The following KMT2C variants were observed in gnomAD, a reference collection of about 807,000 sequenced individuals.
KMT2C encodes histone-lysine N-methyltransferase 2C.
KMT2C carries 88 observed loss-of-function variants against 507.9 expected under a neutral mutation model. The observed-to-expected ratio is 0.17, with a 90% CI of 0.15 to 0.21. The LOEUF is 0.21. Ranked by LOEUF, KMT2C falls within the 10% of genes least tolerant of loss-of-function variation. KMT2C has a pLI of 1.00. For missense variants in KMT2C, 4,954 were observed against 5,957.8 expected, an observed-to-expected ratio of 0.83 and a Z score of 5.55; for synonymous variants, 2,049 against 2,080.8, an observed-to-expected ratio of 0.98 and a Z score of 0.42.
intron 6 of KMT2C, among the ~76,000 whole-genome samples, chr7:152,302,245 GT>G (rs747515275): frequency 6.6e-6 from 1 of 151,602 alleles, no homozygotes; most frequent in Non-Finnish European, 1.5e-5. Context: ...AAAACACCTG[GT>G]TTTTTTTGAG....
chr7:152,396,858 T>C (rs978815016), intron 1 of KMT2C, among the ~76,000 whole-genome samples: 2 of 152,214 alleles, frequency 1.3e-5, no homozygotes, highest in African/African-American at 2.4e-5. Flanking sequence ...TTGAAACATA[T>C]GTACTGTCCT....
At chr7:152,250,207 T>C (rs1231306806) in intron 12 of KMT2C, among the ~76,000 whole-genome samples, 1 of 152,200 alleles carries the variant, frequency 6.6e-6, no homozygotes, top group Non-Finnish European at 1.5e-5. Flanking sequence ...TAGAAAATAA[T>C]TTTAATGAGA....
In KMT2C at chr7:152,342,173, G is replaced by C. The variant is rs1235841320; in HGVS notation, c.251-11434C>G. On this transcript the variant is annotated intron_variant, in intron 2 of 58. Transcript: ENST00000262189. ...ACCAATAGTCATTACATAAGCAACA[G>C]CTAAAAATTAACAAATAATTAGACC... Among the ~76,000 whole-genome samples the C allele has an allele frequency of 2.6e-5, 4 of 152,000 alleles. No homozygotes were observed. The East Asian group carries it at 7.7e-4, about 29-fold the overall frequency.
At chr7:152,319,667 C>A (rs899398193) in intron 3 of KMT2C, among the ~76,000 whole-genome samples, 1 of 152,128 alleles carries the variant, frequency 6.6e-6, no homozygotes, top group Non-Finnish European at 1.5e-5. Flanking sequence ...GAGGCCTAAC[C>A]GTCTGCCTGT....
rs546069950 is a variant in KMT2C at position 152,220,765 on chromosome 7, T to C, written c.3500-30A>G. The stretch of plus-strand genomic sequence containing the variant: ...AATTACAAAATCCCAAGGATACAAA[T>C]TTAAACTTTCATTTCAAATTTGACT... On this transcript the variant is annotated intron_variant, in intron 22 of 58. Transcript: ENST00000262189. 8.6e-5 allele frequency: 130 copies of C among 1,519,546 alleles called. 1 individual carries two copies. In the South Asian group the frequency reaches 1.4e-3, roughly 17 times the overall value. The allele number at this position is 1,519,546 out of a possible 1,614,324, so 94.1% of individuals were successfully genotyped here. A position where few individuals can be genotyped will look rare whatever the true frequency, so the allele number is the denominator to read the frequency against.
intron 9 of KMT2C, 94 bp from the exon 10 acceptor site, chr7:152,252,809 T>C: frequency 1.1e-6 from 1 of 887,084 alleles, no homozygotes; most frequent in Middle Eastern, 2.5e-4. Flanking sequence ...GAATCATTTG[T>C]GGATTATACA....
intron 31 of KMT2C, among the ~76,000 whole-genome samples, chr7:152,188,575 C>CAAA (rs35832014): frequency 3.2e-4 from 35 of 110,292 alleles, no homozygotes; most frequent in African/African-American, 1.1e-3. Context: ...CTCTTAATAC[C>CAAA]AAAAAAAAAA....
At chr7:152,214,135 T>C (rs1253607266) in intron 23 of KMT2C, among the ~76,000 whole-genome samples, 1 of 151,394 alleles carries the variant, frequency 6.6e-6, no homozygotes, top group Non-Finnish European at 1.5e-5. Flanking sequence ...TAAATTAGTA[T>C]AGCCATTATT....
At chr7:152,344,072 T>TG (rs2097027531) in intron 2 of KMT2C, among the ~76,000 whole-genome samples, 1 of 152,218 alleles carries the variant, frequency 6.6e-6, no homozygotes, top group Non-Finnish European at 1.5e-5. Flanking sequence ...TGTATTCAAT[T>TG]ATGATTGCTT....
Position 152,199,314 on chromosome 7 carries a change from C to T in KMT2C, c.4238G>A (p.Ser1413Asn), listed in dbSNP as rs1454716241. 3.8e-6 allele frequency: 6 copies of T among 1,598,698 alleles called. No homozygotes were observed. Among genetic ancestry groups the T allele is most frequent in the Non-Finnish European group, 5.1e-6 (6 of 1,174,932 alleles). Residue 1413 changes from serine to asparagine, a missense_variant, in exon 27 of 59, where the codon AGT (serine) becomes AAT (asparagine). By Grantham distance (46) the Ser-to-Asn change is conservative. Transcript: ENST00000262189. ...AGATTTTGTTGGAGCCGAGGATGAA[C>T]TAAGTAGTGGATCTAAGGAAGGATC... ...FLDPSLDPLL[S>N]SSSAPTKSGT... is the part of the protein sequence containing the mutation.
chr7:152,226,806 C>T (rs1361217815), intron 18 of KMT2C, among the ~76,000 whole-genome samples: 3 of 152,002 alleles, frequency 2.0e-5, no homozygotes, highest in African/African-American at 7.3e-5. Context: ...AAAACCGCTA[C>T]AAATATATGT....
chr7:152,218,002 C>G (rs2094630677), intron 23 of KMT2C, among the ~76,000 whole-genome samples: 1 of 152,164 alleles, frequency 6.6e-6, no homozygotes, highest in African/African-American at 2.4e-5. Context: ...AGTATATGGA[C>G]TACTTCTTTG....
intron 6 of KMT2C, among the ~76,000 whole-genome samples, chr7:152,308,691 A>G (rs912353260): frequency 1.4e-5 from 2 of 147,390 alleles, no homozygotes; most frequent in Non-Finnish European, 3.0e-5. Flanking sequence ...AAAAAAAAAA[A>G]AAAAAAAAAG....
At chr7:152,164,314 G>A (rs1240209949) in intron 42 of KMT2C, among the ~76,000 whole-genome samples, 2 of 149,392 alleles carry the variant, frequency 1.3e-5, no homozygotes, top group Non-Finnish European at 3.0e-5. Flanking sequence ...TTTTGAGACG[G>A]AGTCTCGCTC....
At chr7:152,156,917 C>G (rs945293712) in intron 44 of KMT2C, among the ~76,000 whole-genome samples, 2 of 152,132 alleles carry the variant, frequency 1.3e-5, no homozygotes, top group African/African-American at 4.8e-5. Context: ...CCCAGCTTAA[C>G]AGTTATCACC....
chr7:152,435,524 G>C, intron 1 of KMT2C, 102 bp downstream of exon 1: 1 of 569,268 alleles, frequency 1.8e-6, no homozygotes, highest in Non-Finnish European at 2.2e-6. Flanking sequence ...CCACCCCGCC[G>C]GGGGGCGCCG....
chr7:152,308,398 A>AG (rs1480516367), intron 6 of KMT2C, among the ~76,000 whole-genome samples: 1 of 152,102 alleles, frequency 6.6e-6, no homozygotes, highest in East Asian at 1.9e-4. Flanking sequence ...CAAAGGGGCC[A>AG]GGCACAGTGG....
chr7:152,368,150 A>C (rs1186193389), intron 1 of KMT2C: 1 of 924,298 alleles, frequency 1.1e-6, no homozygotes, highest in Non-Finnish European at 1.8e-6. Context: ...GGAAGGCAGT[A>C]TCCTTGGGGT....
intron 8 of KMT2C, among the ~76,000 whole-genome samples, chr7:152,264,691 CT>C (rs2095834363): frequency 6.6e-6 from 1 of 151,960 alleles, no homozygotes; most frequent in Non-Finnish European, 1.5e-5. Flanking sequence ...CTTTATTCTT[CT>C]GTTTGTTTTA....
Sources: allele counts gnomAD v4.1 joint callset (sites outside exome capture counted in the v4.1 genomes callset), GRCh38; gene constraint gnomAD v4.1.1; transcripts MANE v1.5; gene names NCBI Gene and HGNC (gene_info 2026-07-23, HGNC 2026-07-21).